SSB: variants seen among roughly 807,000 people sequenced by gnomAD.
SSB encodes the protein small RNA binding exonuclease protection factor La, also known as lupus La protein.
In SSB, 17 loss-of-function variants were observed where a neutral mutation model predicts 52.9. The ratio of observed to expected loss-of-function variants is 0.32; its 90% CI spans 0.22 to 0.48. SSB has a LOEUF of 0.48. SSB is among the 20% of genes least tolerant of loss of function. The probability of loss-of-function intolerance (pLI) is 0.99; values close to 1 mark genes in which losing one functional copy is unlikely to be tolerated. For missense variants in SSB, 314 were observed against 463.6 expected, an observed-to-expected ratio of 0.68 and a Z score of 2.96; for synonymous variants, 111 against 152.1, an observed-to-expected ratio of 0.73 and a Z score of 1.99.
intron 1 of SSB, among the ~76,000 whole-genome samples, chr2:169,800,117 A>AT (rs1168811081): frequency 9.9e-5 from 15 of 152,148 alleles, no homozygotes; most frequent in Non-Finnish European, 1.9e-4. Flanking sequence ...ACATTCTCCC[A>AT]TTTTTGTTTT....
chr2:169,807,737 CTTTTTTT>C (rs55845251), intron 6 of SSB, among the ~76,000 whole-genome samples: 29 of 74,040 alleles, frequency 3.9e-4, no homozygotes, highest in Admixed American at 1.9e-3. Flanking sequence ...GCCTATATGT[CTTTTTTT>C]TTTTTTTTTT....
rs752254080 is a variant in SSB, at chr2:169,801,054, A to G, written c.66+28A>G. On this transcript the variant is annotated intron_variant, in intron 2 of 11. Coordinates refer to ENST00000260956, the MANE Select transcript of SSB (RefSeq NM_003142.5). ...ATGATTCCTGTGCTATAAACTGCAA[A>G]AACAAGTTCCTTGAAAGAAAATACA... The G allele has an allele frequency of 7.2e-6, 11 of 1,533,728 alleles. No homozygotes were observed. The East Asian group carries it at 2.4e-4, about 34-fold the overall frequency.
Position 169,811,663 on chromosome 2 carries a change from T to C in SSB, c.1139-5T>C, listed in dbSNP as rs1689960331. ...ATTTAACAAAAATTAATTGTTACGT[T>C]ATAGGACCTGTGAAAAGAGCAAGAG... On this transcript the variant is annotated splice_polypyrimidine_tract_variant and splice_region_variant and intron_variant, in intron 11 of 11. Transcript: ENST00000260956. 1 of 1,609,740 alleles carries C rather than the reference T, an allele frequency of 6.2e-7. No individual in the cohort carries two copies. Among genetic ancestry groups the C allele is most frequent in the African/African-American group, 1.3e-5 (1 of 74,374 alleles).
chr2:169,799,717 T>G (rs1377760531), intron 1 of SSB, among the ~76,000 whole-genome samples: 1 of 152,176 alleles, frequency 6.6e-6, no homozygotes, highest in Non-Finnish European at 1.5e-5. Context: ...TTGAGTAATT[T>G]CTCTAGGGGG....
chr2:169,799,085 C>G (rs1277045342), intron 1 of SSB, 109 bp downstream of exon 1: 4 of 152,088 alleles, frequency 2.6e-5, no homozygotes, highest in Non-Finnish European at 5.9e-5. Flanking sequence ...GTCCGCCCCT[C>G]GCCTTCCTCA....
At chr2:169,807,285 T>C (rs1194329581) in intron 6 of SSB, among the ~76,000 whole-genome samples, 3 of 152,086 alleles carry the variant, frequency 2.0e-5, no homozygotes, top group Non-Finnish European at 2.9e-5. Flanking sequence ...TAACAATTTT[T>C]TTTTCTTTTT....
At position 169,805,852 on chromosome 2, in the gene SSB, G is replaced by A. The variant is rs747380671; in HGVS notation, c.345+13G>A. Reference sequence around the variant, plus strand: ...ATCTGTTTATATTGTAAGTGGGCCTGTAATGCATTTAAATATCTTACATTT... The same window carrying A: ...ATCTGTTTATATTGTAAGTGGGCCTATAATGCATTTAAATATCTTACATTT... On this transcript the variant is annotated intron_variant, in intron 4 of 11. Transcript: ENST00000260956. 1.4e-5 allele frequency: 22 copies of A among 1,603,306 alleles called. No individual in the cohort carries two copies. The South Asian group carries it at 2.0e-4, about 15-fold the overall frequency.
intron 2 of SSB, among the ~76,000 whole-genome samples, chr2:169,805,081 G>A (rs1689800757): frequency 6.6e-6 from 1 of 152,074 alleles, no homozygotes; most frequent in African/African-American, 2.4e-5. Context: ...GGCAAGCTGA[G>A]TTCATGCCAC....
At chr2:169,799,290 T>TTA (rs1240613147) in intron 1 of SSB, 1 of 148,630 alleles carries the variant, frequency 6.7e-6, no homozygotes, top group African/African-American at 2.5e-5. Context: ...TTTTTTTTTT[T>TTA]TTTTTTTTTT....
At position 169,811,693 on chromosome 2, in the gene SSB, A is replaced by C; in HGVS notation, c.1164A>C (p.Glu388Asp). 6.2e-7 allele frequency: 1 copy of C among 1,613,174 alleles called. No individual in the cohort carries two copies. Among genetic ancestry groups the C allele is most frequent in the Non-Finnish European group, 8.5e-7 (1 of 1,179,574 alleles). The change falls in exon 12 of 12, where the codon GAA (glutamate) becomes GAC (aspartate). Residue 388 changes from glutamate to aspartate, a missense_variant. Physicochemically the swap from Glu to Asp is conservative, Grantham distance 45. Transcript: ENST00000260956. ...GACCTGTGAAAAGAGCAAGAGAAGA[A>C]ACAGACAAAGAAGAACCTGCATCCA... ...ATGPVKRARE[E>D]TDKEEPASKQ...
In SSB at chr2:169,810,261, A is replaced by G. The variant is rs767088239; in HGVS notation, c.670-22A>G. 2.7e-5 allele frequency: 43 copies of G among 1,573,770 alleles called. No homozygotes were observed. The Admixed American group carries it at 7.9e-4, about 29-fold the overall frequency. ...GTTGTTGCTTTTAAGAAACTTTTTG[A>G]TCACTTTGTATATTTTTATAGAAAT... is the stretch of plus-strand genomic sequence containing the variant. On this transcript the variant is annotated intron_variant, in intron 8 of 11. Transcript: ENST00000260956.
At chr2:169,800,534 C>CAAAAAAAAAA (rs59743225) in intron 1 of SSB, among the ~76,000 whole-genome samples, 2,639 of 77,856 alleles carry the variant, frequency 0.034, 150 homozygotes, top group African/African-American at 0.053. Context: ...GACTCCGTCT[C>CAAAAAAAAAA]AAAAAAAAAA....
chr2:169,805,954 A>T, intron 4 of SSB, 115 bp downstream of exon 4: 2 of 1,044,526 alleles, frequency 1.9e-6, no homozygotes, highest in Non-Finnish European at 2.9e-6. Flanking sequence ...CTTTCGTAAT[A>T]TTCTTAACCT....
chr2:169,808,053 G>C (rs2105702437), intron 6 of SSB, among the ~76,000 whole-genome samples: 1 of 152,092 alleles, frequency 6.6e-6, no homozygotes, highest in Non-Finnish European at 1.5e-5. Context: ...TTCTCCTTTT[G>C]TGGAATTAAC....
At chr2:169,808,435 T>C in intron 6 of SSB, 47 bp from the exon 7 acceptor site, 1 of 1,483,396 alleles carries the variant, frequency 6.7e-7, no homozygotes, top group Non-Finnish European at 9.4e-7. Flanking sequence ...ATCTGCAGTC[T>C]TAACTTTGTT....
intron 2 of SSB, among the ~76,000 whole-genome samples, chr2:169,804,917 C>G (rs747032234): frequency 1.3e-5 from 2 of 152,048 alleles, no homozygotes; most frequent in African/African-American, 2.4e-5. Context: ...GTGGGCAGAT[C>G]GCTTGAGATC....
intron 4 of SSB, chr2:169,806,143 T>G (rs1689825885): frequency 3.0e-6 from 1 of 333,704 alleles, no homozygotes; most frequent in Non-Finnish European, 5.8e-6. Context: ...GCAAAAAATT[T>G]TTTGTAGAGA....
At position 169,799,915 on chromosome 2, in the gene SSB, G is replaced by T. The variant is rs566597055; in HGVS notation, c.-10+939G>T. Among the ~76,000 whole-genome samples, 4 of 152,300 alleles carry T rather than the reference G, an allele frequency of 2.6e-5. No homozygotes were observed. The East Asian group carries it at 7.7e-4, about 29-fold the overall frequency. ...TTTGTACAGTTGGGATGACTGGGTGGCTTAGTAGAGTCCTGGAGGCAAGTA... is the reference window on the plus strand; with the variant it reads ...TTTGTACAGTTGGGATGACTGGGTGTCTTAGTAGAGTCCTGGAGGCAAGTA... On this transcript the variant is annotated intron_variant, in intron 1 of 11. Coordinates refer to ENST00000260956, the MANE Select transcript of SSB (RefSeq NM_003142.5).
At chr2:169,806,570 C>A in intron 4 of SSB, 1 of 410,072 alleles carries the variant, frequency 2.4e-6, no homozygotes, top group Non-Finnish European at 4.3e-6. Flanking sequence ...TCTGCTTCAA[C>A]TGAATTATTT....
Sources: allele counts gnomAD v4.1 joint callset (sites outside exome capture counted in the v4.1 genomes callset), GRCh38; gene constraint gnomAD v4.1.1; transcripts MANE v1.5; gene names NCBI Gene and HGNC (gene_info 2026-07-23, HGNC 2026-07-21).